CDS2: variants seen among roughly 807,000 people sequenced by gnomAD.
CDS2 encodes phosphatidate cytidylyltransferase 2.
Under a neutral mutation model 59.0 loss-of-function variants are expected in CDS2, and 47 were observed. The observed-to-expected ratio is 0.80, with a 90% CI of 0.63 to 1.02. The LOEUF is 1.02. Ranked by LOEUF, CDS2 falls within the 50% of genes least tolerant of loss-of-function variation. CDS2 has a pLI of 0.00. For missense variants in CDS2, 356 were observed against 558.9 expected (o/e 0.64, Z 3.66); for synonymous variants, 207 against 206.4 (o/e 1.00, Z -0.02).
At chr20:5,161,116 A>G (rs2090873544) in intron 1 of CDS2, among the ~76,000 whole-genome samples, 1 of 152,136 alleles carries the variant, frequency 6.6e-6, no homozygotes, top group Non-Finnish European at 1.5e-5. Context: ...TGATTTTTTG[A>G]GGAACTGCCA....
Position 5,182,393 on chromosome 20 carries a change from G to A in CDS2, c.536G>A (p.Cys179Tyr), listed in dbSNP as rs2091037954. 1 of 1,608,738 alleles carries A rather than the reference G, an allele frequency of 6.2e-7. No homozygotes were observed. The highest frequency in any genetic ancestry group is 1.7e-5 in the Admixed American group (1 of 59,130). ...ISFTLYLIGFCMFVLSLVKKH... is the reference protein window; with the variant it reads ...ISFTLYLIGFYMFVLSLVKKH... ...TCCTCCCACCTCAAACTAGGATTCT[G>A]CATGTTTGTACTGAGTCTGGTCAAG... The change falls in exon 6 of 13, where the codon TGC becomes TAC. Residue 179 changes from cysteine to tyrosine, a missense_variant. Cys to Tyr is a radical substitution (Grantham distance 194). Coordinates refer to ENST00000460006, the MANE Select transcript of CDS2 (RefSeq NM_003818.4).
At chr20:5,154,587 T>TCTGAAGGAGCATTCCAGTGTG (rs144026799) in intron 1 of CDS2, among the ~76,000 whole-genome samples, 10,905 of 152,240 alleles carry the variant, frequency 0.072, 455 homozygotes, top group Middle Eastern at 0.16. Context: ...AGTGCCAGTG[T>TCTGAAGGAGCATTCCAGTGTG]CTGAAGGAGC....
rs993512661 is a variant in CDS2 at position 5,191,311 on chromosome 20, A to G, written c.*1077A>G. On this transcript the variant is annotated 3_prime_UTR_variant, in exon 13 of 13. Transcript: ENST00000460006. ...ACCTAACCTGATTAGAGCCTTGACT[A>G]TTTTGAAGATTAAATGCACACTTTT... 6.6e-6 allele frequency: 1 copy of G among 152,252 alleles called. No individual in the cohort carries two copies. Among genetic ancestry groups the G allele is most frequent in the Non-Finnish European group, 1.5e-5 (1 of 68,040 alleles). 9.4% of individuals were successfully genotyped at this position (152,252 alleles called of 1,614,324 possible). A position where few individuals can be genotyped will look rare whatever the true frequency, so the allele number is the denominator to read the frequency against.
chr20:5,172,692 G>A (rs2090964841), intron 1 of CDS2, among the ~76,000 whole-genome samples: 1 of 152,176 alleles, frequency 6.6e-6, no homozygotes, highest in African/African-American at 2.4e-5. Flanking sequence ...ACCTTGCAGG[G>A]CTATACAGAT....
chr20:5,143,755 TTTCTTC>T (rs554199056), intron 1 of CDS2, among the ~76,000 whole-genome samples: 1 of 146,332 alleles, frequency 6.8e-6, no homozygotes, highest in Non-Finnish European at 1.5e-5. Flanking sequence ...TCTTTTTCTT[TTTCTTC>T]TTCTTCTTTT....
At chr20:5,143,774 T>TC (rs1330933364) in intron 1 of CDS2, among the ~76,000 whole-genome samples, 2 of 149,840 alleles carry the variant, frequency 1.3e-5, no homozygotes, top group African/African-American at 4.9e-5. Context: ...CTTCTTTTTT[T>TC]TTTTTTTTGA....
At chr20:5,162,546 G>A (rs1267297395) in intron 1 of CDS2, among the ~76,000 whole-genome samples, 2 of 152,150 alleles carry the variant, frequency 1.3e-5, no homozygotes, top group Admixed American at 6.5e-5. Context: ...CTTTTGAGAT[G>A]CCTGTAAGAA....
intron 4 of CDS2, among the ~76,000 whole-genome samples, chr20:5,177,825 G>A (rs2091005667): frequency 6.6e-6 from 1 of 152,168 alleles, no homozygotes; most frequent in African/African-American, 2.4e-5. Flanking sequence ...ATTGCCACCT[G>A]GCTTAAGATG....
rs138613799 is a variant in CDS2, at chr20:5,139,592, A to G, written c.57+12443A>G. ...TTCCCTGGCTATGATTTCCAATACT[A>G]TGTTGAATAAGATTGGTGAAAGTGG... On this transcript the variant is annotated intron_variant, in intron 1 of 12. Transcript: ENST00000460006. Among the ~76,000 whole-genome samples the G allele has an allele frequency of 4.6e-5, 7 of 152,196 alleles. 1 individual carries two copies. In the South Asian group the frequency reaches 1.2e-3, roughly 27 times the overall value.
At chr20:5,136,003 G>T (rs2090646941) in intron 1 of CDS2, among the ~76,000 whole-genome samples, 1 of 152,168 alleles carries the variant, frequency 6.6e-6, no homozygotes. Flanking sequence ...CATAGGGCCA[G>T]CTTGGGGCTT....
chr20:5,188,109 A>G (rs2091084005), intron 10 of CDS2, among the ~76,000 whole-genome samples: 1 of 151,966 alleles, frequency 6.6e-6, no homozygotes, highest in African/African-American at 2.4e-5. Context: ...ACACAAACAT[A>G]TTTGACACGG....
At chr20:5,150,137 A>G (rs2090777199) in intron 1 of CDS2, among the ~76,000 whole-genome samples, 1 of 152,198 alleles carries the variant, frequency 6.6e-6, no homozygotes, top group Non-Finnish European at 1.5e-5. Context: ...TTAAAAAACG[A>G]TCCATTTTTC....
At chr20:5,189,027 A>G (rs779708614) in intron 10 of CDS2, 40 bp from the exon 11 acceptor site, 3 of 1,613,014 alleles carry the variant, frequency 1.9e-6, no homozygotes, top group East Asian at 2.2e-5. Context: ...AACACTGGGC[A>G]TGTATGCACC....
At chr20:5,171,013 C>T (rs370479995) in intron 1 of CDS2, among the ~76,000 whole-genome samples, 1 of 152,346 alleles carries the variant, frequency 6.6e-6, no homozygotes, top group East Asian at 1.9e-4. Flanking sequence ...TTGTTCAGCT[C>T]AGTCCGCCTG....
chr20:5,135,678 A>G (rs150265178), intron 1 of CDS2, among the ~76,000 whole-genome samples: 1 of 152,048 alleles, frequency 6.6e-6, no homozygotes, highest in Non-Finnish European at 1.5e-5. Context: ...CCAGTCACTG[A>G]TATTTGTTCT....
chr20:5,129,741 GT>G (rs1156998923), intron 1 of CDS2, among the ~76,000 whole-genome samples: 13 of 143,182 alleles, frequency 9.1e-5, no homozygotes, highest in Admixed American at 1.4e-4. Flanking sequence ...TGTACCTGGC[GT>G]TTTTTTTTTT....
chr20:5,170,480 C>T (rs544598180), intron 1 of CDS2, among the ~76,000 whole-genome samples: 2 of 152,350 alleles, frequency 1.3e-5, no homozygotes, highest in Non-Finnish European at 2.9e-5. Flanking sequence ...TCTCAGGTTT[C>T]TGTTCCCTTT....
intron 1 of CDS2, among the ~76,000 whole-genome samples, chr20:5,129,881 G>C (rs1699968130): frequency 6.6e-6 from 1 of 151,992 alleles, no homozygotes; most frequent in Admixed American, 6.5e-5. Flanking sequence ...ACCTGGCCAT[G>C]TTTGGGATTT....
At chr20:5,145,236 A>ACCCCCCCCCCCC (rs796723724) in intron 1 of CDS2, among the ~76,000 whole-genome samples, 15 of 51,968 alleles carry the variant, frequency 2.9e-4, no homozygotes, top group South Asian at 1.1e-3. Flanking sequence ...GAAAGGAAAG[A>ACCCCCCCCCCCC]CCCCCCCCCC....
Sources: gnomAD v4.1 joint callset for allele counts (sites outside exome capture counted in the v4.1 genomes callset) on GRCh38, gnomAD v4.1.1 for gene constraint, MANE v1.5 for transcripts, NCBI Gene and HGNC (gene_info 2026-07-23, HGNC 2026-07-21) for gene names.